Variants in SAXO1 observed in about 807,000 individuals in gnomAD.
SAXO1 encodes stabilizer of axonemal microtubules 1.
SAXO1 carries 21 observed loss-of-function variants against 17.5 expected under a neutral mutation model. The ratio of observed to expected loss-of-function variants is 1.20; its 90% CI spans 0.85 to 1.72. The LOEUF (loss-of-function observed/expected upper bound fraction) is 1.72, where lower values mean the gene tolerates loss of function less well. Ranked by LOEUF, SAXO1 falls within the 40% of genes most tolerant of loss-of-function variation. SAXO1 has a pLI of 0.00. For missense variants in SAXO1, 843 were observed against 596.0 expected (o/e 1.41, Z -4.32); for synonymous variants, 274 against 216.5 (o/e 1.27, Z -2.33).
chr9:18,935,549 T>C (rs1831248916), intron 3 of SAXO1, among the ~76,000 whole-genome samples: 1 of 152,130 alleles, frequency 6.6e-6, no homozygotes, highest in Admixed American at 6.5e-5. Flanking sequence ...CCAGGGATGA[T>C]GAGTTGATAG....
chr9:18,965,961 T>C (rs775375513), intron 1 of SAXO1, among the ~76,000 whole-genome samples: 6 of 152,216 alleles, frequency 3.9e-5, no homozygotes, highest in Non-Finnish European at 8.8e-5. Flanking sequence ...TCCCTCAGCA[T>C]TGGCTTGTCT....
rs146353376 is a variant in SAXO1, at chr9:18,951,571, C to T, written c.39-634G>A. Among the ~76,000 whole-genome samples, 105 of 152,264 alleles carry T rather than the reference C, an allele frequency of 6.9e-4. 2 individuals carry two copies. In the East Asian group the frequency reaches 0.011, roughly 17 times the overall value. On this transcript the variant is annotated intron_variant, in intron 1 of 3. Coordinates refer to ENST00000380534, the MANE Select transcript of SAXO1 (RefSeq NM_153707.4). Reference sequence around the variant, plus strand: ...GTTATTACAGCCTTAGAAAGACTTCCGCCAATCATCTTATACCCAGGATCC... The same window carrying T: ...GTTATTACAGCCTTAGAAAGACTTCTGCCAATCATCTTATACCCAGGATCC...
At chr9:18,952,911 G>C (rs1349529187) in intron 1 of SAXO1, among the ~76,000 whole-genome samples, 1 of 152,088 alleles carries the variant, frequency 6.6e-6, no homozygotes, top group Non-Finnish European at 1.5e-5. Context: ...CAAATAAATT[G>C]AGAACTTTAA....
intron 1 of SAXO1, among the ~76,000 whole-genome samples, chr9:19,014,122 G>T (rs1404352477): frequency 6.6e-6 from 1 of 152,072 alleles, no homozygotes; most frequent in Non-Finnish European, 1.5e-5. Flanking sequence ...TTGATTAAGG[G>T]TAGAATTTGT....
At chr9:19,040,006 G>A (rs1442542367) in intron 1 of SAXO1, among the ~76,000 whole-genome samples, 1 of 152,144 alleles carries the variant, frequency 6.6e-6, no homozygotes, top group East Asian at 1.9e-4. Flanking sequence ...TGGGATTACA[G>A]GTGTGAGCCA....
chr9:18,961,576 G>A (rs1214643029), intron 1 of SAXO1, among the ~76,000 whole-genome samples: 1 of 152,084 alleles, frequency 6.6e-6, no homozygotes, highest in Non-Finnish European at 1.5e-5. Flanking sequence ...TTATGAGTGG[G>A]AACATGTGGT....
chr9:19,045,203 G>A (rs1323762985), intron 1 of SAXO1, among the ~76,000 whole-genome samples: 4 of 150,506 alleles, frequency 2.7e-5, no homozygotes, highest in Non-Finnish European at 3.0e-5. Context: ...CCAGCTACTC[G>A]GGAGGCTGAG....
rs567727811 is a variant in SAXO1, at chr9:18,951,229, T to C, written c.39-292A>G. ...GCAGGGAAATATTTCCATACCATAA[T>C]AGAGAAATGGCTGTGTCCCCAAGCT... On this transcript the variant is annotated intron_variant, in intron 1 of 3. Coordinates refer to ENST00000380534, the MANE Select transcript of SAXO1 (RefSeq NM_153707.4). Among the ~76,000 whole-genome samples the C allele has an allele frequency of 7.4e-4, 112 of 152,192 alleles. 1 individual carries two copies. The highest frequency in any genetic ancestry group is 2.6e-3 in the African/African-American group (110 of 41,528).
chr9:18,958,221 C>T (rs534730513), intron 1 of SAXO1, among the ~76,000 whole-genome samples: 8 of 152,118 alleles, frequency 5.3e-5, no homozygotes, highest in Non-Finnish European at 8.8e-5. Context: ...GTCAGGGGTT[C>T]GAGACTAGCT....
chr9:19,035,160 G>C (rs939704594), upstream of SAXO1, among the ~76,000 whole-genome samples: 4 of 152,152 alleles, frequency 2.6e-5, no homozygotes, highest in African/African-American at 9.7e-5. Flanking sequence ...ATCTGATATG[G>C]TTTGGTTCTG....
At chr9:19,042,878 G>C (rs1390896919) in intron 1 of SAXO1, among the ~76,000 whole-genome samples, 1 of 148,638 alleles carries the variant, frequency 6.7e-6, no homozygotes, top group Non-Finnish European at 1.5e-5. Flanking sequence ...GAGAAAGAAA[G>C]AAAGAAAATG....
chr9:18,985,149 G>A (rs1449185958), intron 1 of SAXO1, among the ~76,000 whole-genome samples: 1 of 150,580 alleles, frequency 6.6e-6, no homozygotes, highest in Non-Finnish European at 1.5e-5. Flanking sequence ...GAGAATGGCC[G>A]ATTGGTGGAG....
At chr9:19,022,995 C>T (rs1444351613) in intron 1 of SAXO1, among the ~76,000 whole-genome samples, 1 of 152,106 alleles carries the variant, frequency 6.6e-6, no homozygotes, top group Non-Finnish European at 1.5e-5. Flanking sequence ...TCAGTATGAA[C>T]TCACAAAGCC....
At chr9:18,937,548 A>T (rs1019535056) in intron 3 of SAXO1, among the ~76,000 whole-genome samples, 1 of 152,194 alleles carries the variant, frequency 6.6e-6, no homozygotes, top group African/African-American at 2.4e-5. Context: ...ATGTGCCCCA[A>T]AATTCATGTG....
At position 18,981,668 on chromosome 9, in the gene SAXO1, G is replaced by A. The variant is rs116548145; in HGVS notation, c.39-30731C>T. 3.1e-3 allele frequency among the ~76,000 whole-genome samples: 479 copies of A among 152,292 alleles called. 2 individuals carry two copies. Among genetic ancestry groups the A allele is most frequent in the African/African-American group, 0.011 (453 of 41,552 alleles). On this transcript the variant is annotated intron_variant, in intron 1 of 3. Transcript: ENST00000380534. The stretch of plus-strand genomic sequence containing the variant: ...TTCACAAATGGGGGTGATAACTCCT[G>A]AGGGCCTGGAATGTGCCAGGAGCTC...
chr9:19,004,672 C>T (rs549366803), intron 1 of SAXO1, among the ~76,000 whole-genome samples: 1 of 152,194 alleles, frequency 6.6e-6, no homozygotes, highest in African/African-American at 2.4e-5. Flanking sequence ...ACAATGAGAA[C>T]ACTTGGACAC....
chr9:18,962,636 T>G (rs999071464), intron 1 of SAXO1, among the ~76,000 whole-genome samples: 1 of 151,948 alleles, frequency 6.6e-6, no homozygotes, highest in Non-Finnish European at 1.5e-5. Context: ...TTCATATCGT[T>G]CACCCACTTT....
At chr9:19,035,671 A>T (rs140660183), upstream of SAXO1, among the ~76,000 whole-genome samples, 1 of 152,330 alleles carries the variant, frequency 6.6e-6, no homozygotes, top group Non-Finnish European at 1.5e-5. Flanking sequence ...AAATGCTGAT[A>T]GCGATATGGA....
chr9:18,928,117 T>C lies in SAXO1; in HGVS notation c.1360A>G (p.Ser454Gly), dbSNP rs1265430004. The C allele has an allele frequency of 6.2e-7, 1 of 1,614,044 alleles. No homozygotes were observed. Among genetic ancestry groups the C allele is most frequent in the African/African-American group, 1.3e-5 (1 of 74,942 alleles). Reference sequence around the variant, plus strand: ...GAATCATCTACAGAAAGATGGCTGCTCTGCTGAGAGCCTGCCTGGGAAACT... The same window carrying C: ...GAATCATCTACAGAAAGATGGCTGCCCTGCTGAGAGCCTGCCTGGGAAACT... The part of the protein sequence containing the change: ...KPVSQAGSQQ[S>G]SHLSVDDSEN... Residue 454 changes from serine to glycine, a missense_variant, in exon 4 of 4, where the codon AGC (serine) becomes GGC (glycine). Transcript: ENST00000380534.
Sources: allele counts gnomAD v4.1 joint callset (sites outside exome capture counted in the v4.1 genomes callset), GRCh38; gene constraint gnomAD v4.1.1; transcripts MANE v1.5; gene names NCBI Gene and HGNC (gene_info 2026-07-23, HGNC 2026-07-21).